The following TRMT61B variants were observed in gnomAD, a reference collection of about 807,000 sequenced individuals.
TRMT61B encodes the protein tRNA methyltransferase 61B.
TRMT61B carries 56 observed loss-of-function variants against 52.0 expected under a neutral mutation model. The observed-to-expected ratio is 1.08, with a 90% CI of 0.87 to 1.35. TRMT61B has a LOEUF of 1.35. Among genes scored for constraint, TRMT61B ranks in the 40% most tolerant of loss-of-function variants. The pLI is 0.00. For missense variants in TRMT61B, 650 were observed against 577.9 expected, an observed-to-expected ratio of 1.12 and a Z score of -1.28; for synonymous variants, 206 against 220.0, an observed-to-expected ratio of 0.94 and a Z score of 0.56.
chr2:28,865,601 G>A (rs112931823), intron 1 of TRMT61B, among the ~76,000 whole-genome samples: 4 of 151,770 alleles, frequency 2.6e-5, no homozygotes, highest in African/African-American at 9.7e-5. Flanking sequence ...GGATCTACTG[G>A]AGAAAAATCA....
intron 3 of TRMT61B, 104 bp from the exon 4 acceptor site, chr2:28,852,603 T>A: frequency 4.2e-6 from 3 of 715,802 alleles, no homozygotes; most frequent in Non-Finnish European, 7.1e-6. Flanking sequence ...GCAATCAAAG[T>A]ATTTCATTTT....
Position 28,851,177 on chromosome 2 carries a change from C to A in TRMT61B, c.1207G>T (p.Gly403Ter), listed in dbSNP as rs147013173. The A allele has an allele frequency of 8.1e-5, 131 of 1,613,234 alleles. 2 individuals carry two copies. In the Admixed American group the frequency reaches 1.2e-3, roughly 14 times the overall value. ...WLVCLAKQKN[G>*]ILAQKVESKI... is the part of the protein sequence containing the mutation. ...GATTCTACTTTTTGAGCTAAAATTC[C>A]ATTTTTCTGTTTTGCAAGGCAAACC... is the stretch of plus-strand genomic sequence containing the variant. Residue 403 changes from glycine (G) to a stop codon, truncating the protein, a stop_gained, in exon 5 of 7, where the codon GGA becomes TGA. Transcript: ENST00000306108. LOFTEE classifies it high-confidence loss of function.
intron 3 of TRMT61B, among the ~76,000 whole-genome samples, chr2:28,852,840 T>G: frequency 6.6e-6 from 1 of 150,996 alleles, no homozygotes; most frequent in East Asian, 1.9e-4. Flanking sequence ...AAGCCCGTAG[T>G]ACCAGCTATT....
chr2:28,852,324 A>T, intron 4 of TRMT61B, 84 bp downstream of exon 4: 2 of 623,030 alleles, frequency 3.2e-6, no homozygotes, highest in East Asian at 6.0e-5. Flanking sequence ...AAAAAAAAAA[A>T]AAAAAAAAAA....
intron 3 of TRMT61B, among the ~76,000 whole-genome samples, chr2:28,854,565 C>T (rs1446672091): frequency 6.6e-6 from 1 of 151,938 alleles, no homozygotes. Context: ...CACGGCGAAA[C>T]CCCGTTTCTA....
In TRMT61B at chr2:28,861,178, A is replaced by T. The variant is rs1326214100; in HGVS notation, c.933T>A (p.Asp311Glu). 4 of 1,612,546 alleles carry T rather than the reference A, an allele frequency of 2.5e-6. No individual in the cohort carries two copies. The highest frequency in any genetic ancestry group is 3.4e-6 in the Non-Finnish European group (4 of 1,179,712). The change falls in exon 3 of 7, where the codon GAT becomes GAA. Residue 311 changes from aspartate to glutamate, a missense_variant. Physicochemically the swap from Asp to Glu is conservative, Grantham distance 45 (BLOSUM62 2). Coordinates refer to ENST00000306108, the MANE Select transcript of TRMT61B (RefSeq NM_017910.4). ...SHVEEWPDNVDFIHKDISGAT... is the reference protein window; with the variant it reads ...SHVEEWPDNVEFIHKDISGAT... ...CTCCTGAAATGTCCTTATGAATAAA[A>T]TCCACATTGTCTGGCCACTCTTCTA...
intron 3 of TRMT61B, among the ~76,000 whole-genome samples, chr2:28,856,316 A>G (rs1284493684): frequency 6.6e-6 from 1 of 152,224 alleles, no homozygotes; most frequent in Admixed American, 6.5e-5. Context: ...TTCTGAAATT[A>G]ATCCCACAGA....
chr2:28,869,709 C>T lies in TRMT61B; in HGVS notation c.569G>A (p.Gly190Asp), dbSNP rs775870116. The change falls in exon 1 of 7, where the codon GGC (glycine) becomes GAC (aspartate). Residue 190 changes from glycine to aspartate, a missense_variant. Gly to Asp is a moderately conservative substitution (Grantham distance 94). Transcript: ENST00000306108. ...LNSNWGAVPF[G>D]KIVGKFPGQI... ...GCCGGGGAACTTCCCCACGATCTTGCCGAACGGGACTGCCCCCCAGTTACT... is the reference window on the plus strand; with the variant it reads ...GCCGGGGAACTTCCCCACGATCTTGTCGAACGGGACTGCCCCCCAGTTACT... 2 of 1,614,166 alleles carry T rather than the reference C, an allele frequency of 1.2e-6. No individual in the cohort carries two copies. The highest frequency in any genetic ancestry group is 1.7e-6 in the Non-Finnish European group (2 of 1,180,032).
intron 1 of TRMT61B, among the ~76,000 whole-genome samples, chr2:28,865,563 A>G (rs765003058): frequency 6.6e-6 from 1 of 151,830 alleles, no homozygotes; most frequent in Non-Finnish European, 1.5e-5. Flanking sequence ...ATGGCATTTT[A>G]TGAGGATTAA....
At position 28,850,121 on chromosome 2, in the gene TRMT61B, T is replaced by C. The variant is rs1436706730; in HGVS notation, c.*78A>G. The stretch of plus-strand genomic sequence containing the variant: ...AGTAATAGCTAAAAATGCCAATCTA[T>C]GGAAGCAGTGATTTTCAATATAAAG... On this transcript the variant is annotated 3_prime_UTR_variant, in exon 7 of 7. Transcript: ENST00000306108. The C allele has an allele frequency of 7.9e-6, 11 of 1,386,832 alleles. No homozygotes were observed. Among genetic ancestry groups the C allele is most frequent in the Non-Finnish European group, 1.1e-5 (11 of 992,384 alleles). 85.9% of individuals were successfully genotyped at this position (1,386,832 alleles called of 1,614,324 possible).
chr2:28,858,344 C>A (rs945716524), intron 3 of TRMT61B, among the ~76,000 whole-genome samples: 7 of 151,806 alleles, frequency 4.6e-5, no homozygotes, highest in Admixed American at 2.6e-4. Context: ...CCGGCTAATT[C>A]TTTTATTAGT....
chr2:28,854,764 A>C (rs1233227007), intron 3 of TRMT61B, among the ~76,000 whole-genome samples: 2 of 119,416 alleles, frequency 1.7e-5, no homozygotes, highest in African/African-American at 5.8e-5. Flanking sequence ...AAAAAAAAAA[A>C]AAAAAAACTG....
chr2:28,850,496 TG>T, intron 5 of TRMT61B, 91 bp from the exon 6 acceptor site: 1 of 843,212 alleles, frequency 1.2e-6, no homozygotes, highest in Non-Finnish European at 1.8e-6. Context: ...CTCTCTTTAT[TG>T]TAAGTTTTTT....
At chr2:28,856,040 A>G (rs1572536925) in intron 3 of TRMT61B, among the ~76,000 whole-genome samples, 1 of 152,204 alleles carries the variant, frequency 6.6e-6, no homozygotes, top group South Asian at 2.1e-4. Flanking sequence ...ACATGATGAC[A>G]TAAATGGGTT....
At chr2:28,853,894 T>C (rs1171330601) in intron 3 of TRMT61B, among the ~76,000 whole-genome samples, 2 of 152,102 alleles carry the variant, frequency 1.3e-5, no homozygotes, top group South Asian at 2.1e-4. Flanking sequence ...GCAGTATACA[T>C]GGCTATAGTC....
At chr2:28,850,769 C>T (rs1056358447) in intron 5 of TRMT61B, among the ~76,000 whole-genome samples, 6 of 152,030 alleles carry the variant, frequency 3.9e-5, no homozygotes, top group Non-Finnish European at 8.8e-5. Context: ...CTATCAGGTC[C>T]CATTAATAAT....
chr2:28,852,765 C>T (rs1669178156), intron 3 of TRMT61B, among the ~76,000 whole-genome samples: 1 of 151,684 alleles, frequency 6.6e-6, no homozygotes, highest in South Asian at 2.1e-4. Context: ...TGAGAACAGC[C>T]CAGGCAACAT....
chr2:28,856,927 G>A (rs988257275), intron 3 of TRMT61B, among the ~76,000 whole-genome samples: 25 of 151,718 alleles, frequency 1.6e-4, no homozygotes, highest in East Asian at 3.9e-4. Context: ...GAACCACTGC[G>A]CCTGGCCAAT....
Position 28,851,118 on chromosome 2 carries a change from T to A in TRMT61B, c.1266A>T (p.Gln422His), listed in dbSNP as rs1669076490. ...KINTDVQLDS[Q>H]EKIGVKGELF... ...GCTCACCTTTAACTCCAATTTTCTC[T>A]TGAGAATCTAGTTGTACATCTGTGT... The change falls in exon 5 of 7, where the codon CAA becomes CAT. Residue 422 changes from glutamine (Q) to histidine (H), a missense_variant. By Grantham distance (24) the Gln-to-His change is conservative. Coordinates refer to ENST00000306108, the MANE Select transcript of TRMT61B (RefSeq NM_017910.4). The A allele has an allele frequency of 6.2e-7, 1 of 1,611,710 alleles. No homozygotes were observed. Among genetic ancestry groups the A allele is most frequent in the Admixed American group, 1.7e-5 (1 of 59,734 alleles).
Sources: allele counts gnomAD v4.1 joint callset (sites outside exome capture counted in the v4.1 genomes callset), GRCh38; gene constraint gnomAD v4.1.1; transcripts MANE v1.5; gene names NCBI Gene and HGNC (gene_info 2026-07-23, HGNC 2026-07-21).